Variants in AGBL1 observed in about 807,000 individuals in gnomAD.
AGBL1 encodes the protein cytosolic carboxypeptidase 4.
AGBL1 carries 130 observed loss-of-function variants against 118.9 expected under a neutral mutation model. The ratio of observed to expected loss-of-function variants is 1.09; its 90% CI spans 0.95 to 1.26. AGBL1 has a LOEUF of 1.26. Among genes scored for constraint, AGBL1 ranks in the 50% most tolerant of loss-of-function variants. AGBL1 has a pLI of 0.00. For missense variants in AGBL1, 1,584 were observed against 1,298.1 expected (o/e 1.22, Z -3.38); for synonymous variants, 555 against 478.9 (o/e 1.16, Z -2.08).
chr15:86,633,379 TA>T (rs965687039), intron 21 of AGBL1, among the ~76,000 whole-genome samples: 2 of 152,112 alleles, frequency 1.3e-5, no homozygotes, highest in African/African-American at 4.8e-5. Context: ...GCTGCTAAGT[TA>T]AAAAAATCTC....
intron 1 of AGBL1, among the ~76,000 whole-genome samples, chr15:86,089,779 C>A (rs1281165304): frequency 6.6e-6 from 1 of 152,128 alleles, no homozygotes; most frequent in Non-Finnish European, 1.5e-5. Flanking sequence ...GCCAACCAGT[C>A]CTGAGGATAA....
At chr15:86,277,912 G>A (rs969375232) in intron 15 of AGBL1, among the ~76,000 whole-genome samples, 26 of 152,270 alleles carry the variant, frequency 1.7e-4, no homozygotes, top group Middle Eastern at 6.8e-3. Flanking sequence ...GTTATCCCTG[G>A]ATCATTTTAT....
intron 18 of AGBL1, among the ~76,000 whole-genome samples, chr15:86,441,047 AG>A (rs1243121940): frequency 1.3e-5 from 2 of 152,200 alleles, no homozygotes; most frequent in Non-Finnish European, 2.9e-5. Flanking sequence ...ATATGGTTAA[AG>A]AACAGGGACA....
At chr15:86,276,851 G>C (rs2079260713) in intron 15 of AGBL1, among the ~76,000 whole-genome samples, 1 of 152,218 alleles carries the variant, frequency 6.6e-6, no homozygotes, top group Non-Finnish European at 1.5e-5. Flanking sequence ...TTGTTGATGG[G>C]ATCTCAGTTT....
chr15:86,807,251 G>A (rs559072065), intron 22 of AGBL1, among the ~76,000 whole-genome samples: 1 of 152,104 alleles, frequency 6.6e-6, no homozygotes, highest in Non-Finnish European at 1.5e-5. Context: ...CAGGGTCTGG[G>A]TTAATTGGGG....
chr15:86,589,625 G>T (rs1055137025), intron 21 of AGBL1, among the ~76,000 whole-genome samples: 3 of 152,146 alleles, frequency 2.0e-5, no homozygotes, highest in Admixed American at 6.5e-5. Context: ...CCTCCGGATG[G>T]CTTGCTTGAT....
At chr15:86,854,828 A>G (rs1054523012) in intron 22 of AGBL1, among the ~76,000 whole-genome samples, 1 of 152,176 alleles carries the variant, frequency 6.6e-6, no homozygotes, top group Admixed American at 6.6e-5. Flanking sequence ...CTAGCAGCTC[A>G]AAGACCATCA....
intron 18 of AGBL1, among the ~76,000 whole-genome samples, chr15:86,474,675 C>T (rs1251032253): frequency 6.6e-6 from 1 of 152,118 alleles, no homozygotes; most frequent in East Asian, 1.9e-4. Context: ...CAAAAGGCAG[C>T]AGAAACCTCT....
intron 1 of AGBL1, among the ~76,000 whole-genome samples, chr15:86,124,527 T>C (rs1898298997): frequency 6.6e-6 from 1 of 152,136 alleles, no homozygotes; most frequent in South Asian, 2.1e-4. Flanking sequence ...TCTAAAATTA[T>C]TCTAAATTAA....
chr15:86,479,306 T>C (rs2082612143), intron 18 of AGBL1, among the ~76,000 whole-genome samples: 1 of 152,096 alleles, frequency 6.6e-6, no homozygotes, highest in African/African-American at 2.4e-5. Context: ...ACCTACAGAA[T>C]GGGAGAAAAA....
chr15:86,225,846 C>A (rs1005914850), intron 6 of AGBL1, among the ~76,000 whole-genome samples: 1 of 152,132 alleles, frequency 6.6e-6, no homozygotes, highest in Non-Finnish European at 1.5e-5. Context: ...TCTCTCCCCC[C>A]ATCCATACAT....
intron 23 of AGBL1, among the ~76,000 whole-genome samples, chr15:86,932,194 T>C (rs2080614320): frequency 6.6e-6 from 1 of 152,194 alleles, no homozygotes; most frequent in Non-Finnish European, 1.5e-5. Flanking sequence ...ACCCTCCCAT[T>C]TGAAGAGCCC....
chr15:86,285,224 A>C (rs2141736288), intron 16 of AGBL1, among the ~76,000 whole-genome samples: 1 of 152,134 alleles, frequency 6.6e-6, no homozygotes, highest in African/African-American at 2.4e-5. Context: ...AATCCCCTAA[A>C]AGTAGAAGTG....
At chr15:86,311,000 G>A (rs534996881) in intron 17 of AGBL1, among the ~76,000 whole-genome samples, 1 of 152,242 alleles carries the variant, frequency 6.6e-6, no homozygotes, top group African/African-American at 2.4e-5. Context: ...ATGCCCTGCC[G>A]TGGGTGGGCC....
At chr15:87,007,672 A>C (rs1277920825) in intron 24 of AGBL1, among the ~76,000 whole-genome samples, 1 of 152,216 alleles carries the variant, frequency 6.6e-6, no homozygotes, top group Non-Finnish European at 1.5e-5. Context: ...GGCAACAAAA[A>C]GATATAAAAT....
At chr15:86,155,217 C>T (rs2077171868) in intron 4 of AGBL1, among the ~76,000 whole-genome samples, 1 of 152,140 alleles carries the variant, frequency 6.6e-6, no homozygotes, top group Non-Finnish European at 1.5e-5. Flanking sequence ...CCTGTAATCC[C>T]AGCACTTTGG....
intron 5 of AGBL1, among the ~76,000 whole-genome samples, chr15:86,172,309 T>A (rs779633508): frequency 6.6e-6 from 1 of 152,246 alleles, no homozygotes; most frequent in Non-Finnish European, 1.5e-5. Context: ...TGTGTAATGA[T>A]AAAATCAGAG....
At chr15:86,459,225 A>G (rs2082299338) in intron 18 of AGBL1, among the ~76,000 whole-genome samples, 1 of 152,164 alleles carries the variant, frequency 6.6e-6, no homozygotes. Context: ...TTTTCAGTGT[A>G]ATATCACATT....
intron 18 of AGBL1, among the ~76,000 whole-genome samples, chr15:86,456,133 A>G (rs2082255773): frequency 6.6e-6 from 1 of 152,202 alleles, no homozygotes; most frequent in Non-Finnish European, 1.5e-5. Flanking sequence ...TCAGAATAGA[A>G]ACTGTTCCTC....
Sources: gnomAD v4.1 joint callset for allele counts (sites outside exome capture counted in the v4.1 genomes callset) on GRCh38, gnomAD v4.1.1 for gene constraint, MANE v1.5 for transcripts, NCBI Gene and HGNC (gene_info 2026-07-23, HGNC 2026-07-21) for gene names.